The following TLL1 variants were observed in gnomAD, a reference collection of about 807,000 sequenced individuals.
TLL1 encodes the protein tolloid like 1, also known as tolloid-like protein 1.
TLL1 carries 49 observed loss-of-function variants against 128.2 expected under a neutral mutation model. That is an observed-to-expected ratio of 0.38 (90% CI 0.30 to 0.48). The LOEUF (loss-of-function observed/expected upper bound fraction) is 0.48. Ranked by LOEUF, TLL1 falls within the 20% of genes least tolerant of loss-of-function variation. The pLI is 0.96. For synonymous variants in TLL1, 454 were observed against 418.8 expected, an observed-to-expected ratio of 1.08 and a Z score of -1.03; for missense variants, 1,123 against 1,242.0, an observed-to-expected ratio of 0.90 and a Z score of 1.44.
At chr4:166,075,383 CT>C (rs1740975891) in intron 17 of TLL1, among the ~76,000 whole-genome samples, 1 of 152,126 alleles carries the variant, frequency 6.6e-6, no homozygotes, top group African/African-American at 2.4e-5. Context: ...TCTTGTATAT[CT>C]TGTGCATGTG....
At chr4:165,954,053 T>C (rs1046131264) in intron 1 of TLL1, among the ~76,000 whole-genome samples, 1 of 152,174 alleles carries the variant, frequency 6.6e-6, no homozygotes, top group Non-Finnish European at 1.5e-5. Context: ...ACTTTTAAAC[T>C]CAAGATTTAC....
chr4:165,999,638 G>A (rs577682862), intron 5 of TLL1, among the ~76,000 whole-genome samples: 7 of 118,262 alleles, frequency 5.9e-5, no homozygotes, highest in Admixed American at 1.5e-4. Flanking sequence ...GCTAATTTTT[G>A]TATTTTTTTT....
At chr4:166,011,668 G>C (rs1737701831) in intron 7 of TLL1, among the ~76,000 whole-genome samples, 1 of 151,336 alleles carries the variant, frequency 6.6e-6, no homozygotes, top group Non-Finnish European at 1.5e-5. Context: ...TTTCAGTACT[G>C]TGTTGAATAT....
intron 1 of TLL1, among the ~76,000 whole-genome samples, chr4:165,951,755 T>A: frequency 6.6e-6 from 1 of 152,214 alleles, no homozygotes; most frequent in African/African-American, 2.4e-5. Context: ...ACTCAGCCAT[T>A]GTGTTCTACA....
rs1003967227 is a variant in TLL1, at chr4:166,030,754, G to T, written c.1158+5323G>T. 4 of 1,131,606 alleles carry T rather than the reference G, an allele frequency of 3.5e-6. No homozygotes were observed. In the African/African-American group the frequency reaches 6.4e-5, roughly 18 times the overall value. The allele number at this position is 1,131,606 out of a possible 1,614,324, so 70.1% of individuals were successfully genotyped here. On this transcript the variant is annotated intron_variant, in intron 9 of 20. Coordinates refer to ENST00000061240, the MANE Select transcript of TLL1 (RefSeq NM_012464.5). The stretch of plus-strand genomic sequence containing the variant: ...AAGATTTACTAAATGTTTTTATTCA[G>T]CATTCCTGCTCATGTTTCTGACTTC...
Position 166,074,921 on chromosome 4 carries a change from A to G in TLL1, c.2232A>G (p.Glu744=). Residue 744 remains glutamate (E), a synonymous_variant, in exon 17 of 21, where the codon GAA becomes GAG. Coordinates refer to ENST00000061240, the MANE Select transcript of TLL1 (RefSeq NM_012464.5). ...CSKDNGGCQH[E]CVNTMGSYMC... ...AGGATAATGGTGGATGTCAGCACGA[A>G]TGTGTCAACACGATGGGGAGCTACA... 1 of 1,613,658 alleles carries G rather than the reference A, an allele frequency of 6.2e-7. No individual in the cohort carries two copies. Among genetic ancestry groups the G allele is most frequent in the Non-Finnish European group, 8.5e-7 (1 of 1,179,682 alleles).
chr4:166,073,066 T>C (rs1740863833), intron 16 of TLL1, among the ~76,000 whole-genome samples: 2 of 152,166 alleles, frequency 1.3e-5, no homozygotes, highest in Non-Finnish European at 2.9e-5. Flanking sequence ...AATATGTGTC[T>C]ATTTCAGAAT....
intron 1 of TLL1, among the ~76,000 whole-genome samples, chr4:165,942,916 A>C (rs1288688430): frequency 5.3e-5 from 8 of 152,088 alleles, no homozygotes; most frequent in African/African-American, 1.4e-4. Flanking sequence ...CTGGTCCTGG[A>C]TCATGGGCAC....
chr4:165,972,147 A>G (rs1240897741), intron 1 of TLL1, among the ~76,000 whole-genome samples: 1 of 152,202 alleles, frequency 6.6e-6, no homozygotes, highest in Non-Finnish European at 1.5e-5. Context: ...TATATATTTT[A>G]TGACCTGGAA....
intron 1 of TLL1, among the ~76,000 whole-genome samples, chr4:165,929,034 G>GC (rs1733397102): frequency 6.6e-6 from 1 of 152,048 alleles, no homozygotes; most frequent in South Asian, 2.1e-4. Context: ...ATCCCATTGA[G>GC]CCCTTCTACA....
chr4:165,885,415 G>T (rs1561005740), intron 1 of TLL1, among the ~76,000 whole-genome samples: 1 of 151,726 alleles, frequency 6.6e-6, no homozygotes, highest in Non-Finnish European at 1.5e-5. Context: ...CACCTCTCCT[G>T]GGGTCACTCT....
chr4:165,995,220 ATT>A, intron 5 of TLL1, 42 bp downstream of exon 5: 3 of 1,358,902 alleles, frequency 2.2e-6, no homozygotes, highest in Non-Finnish European at 3.2e-6. Context: ...GAAAAAAAAA[ATT>A]AAAAGGAAAA....
intron 15 of TLL1, among the ~76,000 whole-genome samples, chr4:166,062,586 T>C (rs1740373456): frequency 6.6e-6 from 1 of 152,372 alleles, no homozygotes; most frequent in South Asian, 2.1e-4. Flanking sequence ...GAGACTTTGC[T>C]GAAGTTGGTT....
At chr4:166,096,953 C>T (rs981293800) in intron 19 of TLL1, among the ~76,000 whole-genome samples, 3 of 151,962 alleles carry the variant, frequency 2.0e-5, no homozygotes, top group African/African-American at 4.8e-5. Context: ...TCGTAGAGTA[C>T]AGATGATGGC....
chr4:165,912,024 C>T lies in TLL1; in HGVS notation c.169+37951C>T, dbSNP rs1187203060. Among the ~76,000 whole-genome samples the T allele has an allele frequency of 2.6e-5, 4 of 152,144 alleles. 1 individual carries two copies. The South Asian group carries it at 6.2e-4, about 24-fold the overall frequency. Reference sequence around the variant, plus strand: ...CCGAGTAGCTGGGACTACAGGCACCCGCCACCATGCCCGGCTAATTTTTTG... The same window carrying T: ...CCGAGTAGCTGGGACTACAGGCACCTGCCACCATGCCCGGCTAATTTTTTG... On this transcript the variant is annotated intron_variant, in intron 1 of 20. Coordinates refer to ENST00000061240, the MANE Select transcript of TLL1 (RefSeq NM_012464.5).
intron 1 of TLL1, among the ~76,000 whole-genome samples, chr4:165,882,594 A>G (rs1731009123): frequency 6.6e-6 from 1 of 152,152 alleles, no homozygotes; most frequent in South Asian, 2.1e-4. Context: ...AATGACCTAA[A>G]TCAGGGCCCC....
intron 15 of TLL1, among the ~76,000 whole-genome samples, chr4:166,062,291 C>A (rs1029802439): frequency 6.6e-6 from 1 of 152,170 alleles, no homozygotes; most frequent in African/African-American, 2.4e-5. Context: ...GGCATTGAAT[C>A]TATAAATTAC....
Position 165,967,219 on chromosome 4 carries a change from C to T in TLL1, c.170-22162C>T, listed in dbSNP as rs920836561. On this transcript the variant is annotated intron_variant, in intron 1 of 20. Transcript: ENST00000061240. ...GTTATCTCCCTCGTTCCCTGAAAAT[C>T]GCAGCCATCTTGTTCCTTTGGATGC... Among the ~76,000 whole-genome samples the T allele has an allele frequency of 5.3e-5, 8 of 152,200 alleles. No homozygotes were observed. In the East Asian group the frequency reaches 5.8e-4, roughly 11 times the overall value.
rs372034041 is a variant in TLL1 at position 166,087,378 on chromosome 4, G to A, written c.2443-3750G>A. Among the ~76,000 whole-genome samples, 11 of 152,188 alleles carry A rather than the reference G, an allele frequency of 7.2e-5. No individual in the cohort carries two copies. The East Asian group carries it at 2.1e-3, about 29-fold the overall frequency. On this transcript the variant is annotated intron_variant, in intron 18 of 20. Transcript: ENST00000061240. Reference sequence around the variant, plus strand: ...TTGATCACAGTTATAGAGGACTCATGGAGAAAAAAGGTTCTTTTGAATCAG... The same window carrying A: ...TTGATCACAGTTATAGAGGACTCATAGAGAAAAAAGGTTCTTTTGAATCAG...
Sources: gnomAD v4.1 joint callset for allele counts (sites outside exome capture counted in the v4.1 genomes callset) on GRCh38, gnomAD v4.1.1 for gene constraint, MANE v1.5 for transcripts, NCBI Gene and HGNC (gene_info 2026-07-23, HGNC 2026-07-21) for gene names.